The following MAGI2 variants were observed in gnomAD, a reference collection of about 807,000 sequenced individuals.
The protein encoded by MAGI2 is membrane associated guanylate kinase, WW and PDZ domain containing 2, also known as membrane-associated guanylate kinase, WW and PDZ domain-containing protein 2.
MAGI2 carries 35 observed loss-of-function variants against 133.3 expected under a neutral mutation model. The ratio of observed to expected loss-of-function variants is 0.26; its 90% CI spans 0.20 to 0.35. MAGI2 has a LOEUF of 0.35. Among genes scored for constraint, MAGI2 ranks in the 10% least tolerant of loss-of-function variants. MAGI2 has a pLI of 1.00. For missense variants in MAGI2, 1,636 were observed against 1,863.4 expected, an observed-to-expected ratio of 0.88 and a Z score of 2.25; for synonymous variants, 729 against 710.6, an observed-to-expected ratio of 1.03 and a Z score of -0.41.
At chr7:79,343,059 C>T (rs552996677) in intron 1 of MAGI2, among the ~76,000 whole-genome samples, 3 of 152,120 alleles carry the variant, frequency 2.0e-5, no homozygotes, top group Admixed American at 6.6e-5. Flanking sequence ...CCATCATGCC[C>T]GGCCTGAGGA....
intron 2 of MAGI2, among the ~76,000 whole-genome samples, chr7:78,898,561 C>G (rs181418184): frequency 2.2e-3 from 336 of 152,180 alleles, no homozygotes; most frequent in African/African-American, 7.8e-3. Context: ...AAACAGAAAA[C>G]CAAATACTGC....
chr7:79,404,151 C>T (rs1845651322), intron 1 of MAGI2, among the ~76,000 whole-genome samples: 1 of 152,152 alleles, frequency 6.6e-6, no homozygotes. Context: ...AAGGATACAG[C>T]AACCATGCGT....
At chr7:78,437,197 G>A (rs1236043740) in intron 6 of MAGI2, among the ~76,000 whole-genome samples, 4 of 152,134 alleles carry the variant, frequency 2.6e-5, no homozygotes, top group Non-Finnish European at 5.9e-5. Flanking sequence ...GGCAATCCAC[G>A]AAGCATCATG....
chr7:78,792,465 C>T (rs1302015257), intron 2 of MAGI2, among the ~76,000 whole-genome samples: 1 of 152,106 alleles, frequency 6.6e-6, no homozygotes, highest in Non-Finnish European at 1.5e-5. Context: ...ATAAAAGAGG[C>T]AAGGAACCTC....
intron 2 of MAGI2, among the ~76,000 whole-genome samples, chr7:78,914,068 G>T (rs1798609330): frequency 1.3e-5 from 2 of 152,160 alleles, no homozygotes; most frequent in Non-Finnish European, 2.9e-5. Flanking sequence ...TTTGTTTGCA[G>T]ATTGAGCTAA....
intron 1 of MAGI2, among the ~76,000 whole-genome samples, chr7:79,312,700 T>C (rs1022595787): frequency 1.3e-5 from 2 of 152,206 alleles, no homozygotes; most frequent in African/African-American, 4.8e-5. Flanking sequence ...AGAGAAGTGC[T>C]TGGCACAAAG....
At chr7:78,968,870 C>G in intron 2 of MAGI2, among the ~76,000 whole-genome samples, 1 of 152,118 alleles carries the variant, frequency 6.6e-6, no homozygotes, top group Middle Eastern at 3.4e-3. Flanking sequence ...AATTCAGCTG[C>G]TAATACAGGA....
chr7:79,193,263 T>A (rs1325206940), intron 1 of MAGI2, among the ~76,000 whole-genome samples: 2 of 152,006 alleles, frequency 1.3e-5, no homozygotes, highest in Non-Finnish European at 2.9e-5. Context: ...TAGTAGCCAA[T>A]CGCTTATGCG....
intron 10 of MAGI2, among the ~76,000 whole-genome samples, chr7:78,224,323 C>T (rs1476543565): frequency 6.6e-6 from 1 of 152,124 alleles, no homozygotes. Context: ...AAAAAGCTCT[C>T]CACTCGTTAG....
intron 2 of MAGI2, among the ~76,000 whole-genome samples, chr7:78,742,372 G>GT (rs1050469954): frequency 6.2e-4 from 94 of 152,142 alleles, no homozygotes; most frequent in African/African-American, 2.2e-3. Context: ...GTTTCCTGTG[G>GT]TAACCTCTTC....
intron 2 of MAGI2, among the ~76,000 whole-genome samples, chr7:78,873,837 C>G (rs890993148): frequency 6.6e-6 from 1 of 151,890 alleles, no homozygotes; most frequent in Non-Finnish European, 1.5e-5. Context: ...CTGAGTACTA[C>G]TTCAAGTGCA....
rs1300577440 is a variant in MAGI2, at chr7:78,077,723, A to ATTT, written c.3706+1223_3706+1224insAAA. Among the ~76,000 whole-genome samples, 127 of 96,006 alleles carry ATTT rather than the reference A, an allele frequency of 1.3e-3. 1 individual carries two copies. Among genetic ancestry groups the ATTT allele is most frequent in the African/African-American group, 5.9e-3 (115 of 19,442 alleles). 63.0% of individuals were successfully genotyped at this position (96,006 alleles called of 152,430 possible). ...TCTGAAATGAAAAGTACTCTTTAGA[A>ATTT]TGTTTTTTTTTTTTTTTTTTTTTGA... On this transcript the variant is annotated intron_variant, in intron 21 of 21. Transcript: ENST00000354212.
intron 1 of MAGI2, among the ~76,000 whole-genome samples, chr7:79,027,326 T>C (rs1315590592): frequency 6.7e-6 from 1 of 149,692 alleles, no homozygotes; most frequent in Non-Finnish European, 1.5e-5. Context: ...AAAGAAAATA[T>C]TATATATATA....
intron 1 of MAGI2, among the ~76,000 whole-genome samples, chr7:79,227,863 C>T (rs1031053919): frequency 2.6e-5 from 4 of 152,170 alleles, no homozygotes; most frequent in Admixed American, 2.0e-4. Flanking sequence ...CCTCACACTT[C>T]CTATCTTTCC....
intron 1 of MAGI2, among the ~76,000 whole-genome samples, chr7:79,115,312 A>G (rs1375627901): frequency 6.6e-6 from 1 of 152,236 alleles, no homozygotes; most frequent in African/African-American, 2.4e-5. Context: ...CTAAAGTCAT[A>G]TTCACATTAC....
intron 1 of MAGI2, among the ~76,000 whole-genome samples, chr7:79,243,149 A>G (rs974395782): frequency 1.3e-4 from 20 of 152,096 alleles, no homozygotes; most frequent in African/African-American, 4.6e-4. Flanking sequence ...AAAAGAAAAG[A>G]CAAATAAAAA....
At chr7:79,231,768 A>G (rs1445641531) in intron 1 of MAGI2, among the ~76,000 whole-genome samples, 3 of 145,210 alleles carry the variant, frequency 2.1e-5, no homozygotes, top group African/African-American at 7.6e-5. Context: ...CTCTTTTCCT[A>G]ATTGAATACC....
At chr7:79,055,555 C>A (rs576391348) in intron 1 of MAGI2, among the ~76,000 whole-genome samples, 1 of 144,694 alleles carries the variant, frequency 6.9e-6, no homozygotes, top group East Asian at 2.0e-4. Flanking sequence ...ATAGAACACA[C>A]TTTTTTTTTT....
intron 20 of MAGI2, among the ~76,000 whole-genome samples, chr7:78,117,929 G>A (rs1481547023): frequency 6.6e-6 from 1 of 152,134 alleles, no homozygotes; most frequent in African/African-American, 2.4e-5. Flanking sequence ...AAAGTTGGAA[G>A]ACTGACACTA....
Sources: allele counts gnomAD v4.1 joint callset (sites outside exome capture counted in the v4.1 genomes callset), GRCh38; gene constraint gnomAD v4.1.1; transcripts MANE v1.5; gene names NCBI Gene and HGNC (gene_info 2026-07-23, HGNC 2026-07-21).